The following TBC1D30 variants were observed in gnomAD, a reference collection of about 807,000 sequenced individuals.
TBC1D30 encodes the protein TBC1 domain family member 30.
Under a neutral mutation model 63.2 loss-of-function variants are expected in TBC1D30, and 31 were observed. The observed-to-expected ratio is 0.49, with a 90% CI of 0.37 to 0.66. The LOEUF (loss-of-function observed/expected upper bound fraction) is 0.66. Among genes scored for constraint, TBC1D30 ranks in the 30% least tolerant of loss-of-function variants. The pLI, the probability that TBC1D30 is intolerant of heterozygous loss-of-function variation, is 0.00. For missense variants in TBC1D30, 810 were observed against 953.6 expected, an observed-to-expected ratio of 0.85 and a Z score of 1.98; for synonymous variants, 307 against 361.5, an observed-to-expected ratio of 0.85 and a Z score of 1.71.
At position 64,832,051 on chromosome 12, in the gene TBC1D30, A is replaced by G. The variant is rs563250885; in HGVS notation, c.409-68A>G. ...TTTGACTCTGTTTATTGAGTCAAAA[A>G]AAAAAGGTATTGTTTTGGAAAGAAT... On this transcript the variant is annotated intron_variant, in intron 4 of 11. Transcript: ENST00000539867. The G allele has an allele frequency of 4.8e-5, 67 of 1,385,134 alleles. No individual in the cohort carries two copies. In the South Asian group the frequency reaches 6.4e-4, roughly 13 times the overall value. 85.8% of individuals were successfully genotyped at this position (1,385,134 alleles called of 1,614,324 possible). A position where few individuals can be genotyped will look rare whatever the true frequency, so the allele number is the denominator to read the frequency against.
chr12:64,873,545 G>A (rs1045975849), intron 11 of TBC1D30, among the ~76,000 whole-genome samples: 5 of 152,088 alleles, frequency 3.3e-5, no homozygotes, highest in Non-Finnish European at 5.9e-5. Flanking sequence ...TCAGTGAGCC[G>A]AAGACACATG....
chr12:64,774,957 A>G (rs1461599929), intron 1 of TBC1D30, among the ~76,000 whole-genome samples: 4 of 151,892 alleles, frequency 2.6e-5, no homozygotes, highest in East Asian at 1.9e-4. Flanking sequence ...GCTGGGTGTC[A>G]TGTTGCACAC....
At chr12:64,811,917 T>C (rs1207862701) in intron 2 of TBC1D30, among the ~76,000 whole-genome samples, 1 of 152,218 alleles carries the variant, frequency 6.6e-6, no homozygotes, top group Non-Finnish European at 1.5e-5. Context: ...AGATACAAAA[T>C]ACCTGATTAT....
chr12:64,813,909 C>G (rs987960523), intron 2 of TBC1D30, among the ~76,000 whole-genome samples: 1 of 152,004 alleles, frequency 6.6e-6, no homozygotes, highest in African/African-American at 2.4e-5. Context: ...GAGAGAGAGA[C>G]AACAATGAGT....
chr12:64,832,033 CTG>C (rs1874910748), intron 4 of TBC1D30, 84 bp from the exon 5 acceptor site: 8 of 1,275,010 alleles, frequency 6.3e-6, no homozygotes, highest in South Asian at 6.0e-5. Context: ...TGATTTGACT[CTG>C]TTTATTGAGT....
intron 6 of TBC1D30, 68 bp from the exon 7 acceptor site, chr12:64,838,614 GA>G: frequency 6.9e-7 from 1 of 1,452,818 alleles, no homozygotes; most frequent in Non-Finnish European, 9.2e-7. Flanking sequence ...TGGAAGACTA[GA>G]AAAGGGTATC....
intron 8 of TBC1D30, among the ~76,000 whole-genome samples, chr12:64,856,260 C>A (rs1238158813): frequency 6.6e-6 from 1 of 152,208 alleles, no homozygotes; most frequent in Non-Finnish European, 1.5e-5. Flanking sequence ...ATGGCTCAAG[C>A]CATTCATGAG....
chr12:64,830,601 G>A (rs1385764870), intron 4 of TBC1D30, 99 bp downstream of exon 4: 2 of 1,133,414 alleles, frequency 1.8e-6, no homozygotes, highest in African/African-American at 3.1e-5. Flanking sequence ...CTACCTTCTG[G>A]TTTGAATGTC....
rs541241663 is a variant in TBC1D30, at chr12:64,878,233, A to T, written c.*2445A>T. 177 of 316,032 alleles carry T rather than the reference A, an allele frequency of 5.6e-4. 1 individual carries two copies. Among genetic ancestry groups the T allele is most frequent in the South Asian group, 4.7e-3 (167 of 35,600 alleles). The allele number at this position is 316,032 out of a possible 1,614,324, so 19.6% of individuals were successfully genotyped here. ...TGCATGCATTGTACCAAGTAATCACAATGTGAATTGGTCAATTTATGAGCC... is the reference window on the plus strand; with the variant it reads ...TGCATGCATTGTACCAAGTAATCACTATGTGAATTGGTCAATTTATGAGCC... On this transcript the variant is annotated 3_prime_UTR_variant, in exon 12 of 12. Transcript: ENST00000539867.
At chr12:64,811,079 A>G (rs947571006) in intron 2 of TBC1D30, among the ~76,000 whole-genome samples, 1 of 152,214 alleles carries the variant, frequency 6.6e-6, no homozygotes, top group Non-Finnish European at 1.5e-5. Context: ...TTGTATACCA[A>G]ATTTTGTAAT....
chr12:64,775,742 A>T (rs994572027), upstream of TBC1D30, among the ~76,000 whole-genome samples: 1 of 152,212 alleles, frequency 6.6e-6, no homozygotes, highest in African/African-American at 2.4e-5. Flanking sequence ...ATTAACAAAG[A>T]TATTCAGGAC....
At chr12:64,792,358 C>T (rs916130037) in intron 2 of TBC1D30, among the ~76,000 whole-genome samples, 1 of 152,126 alleles carries the variant, frequency 6.6e-6, no homozygotes, top group African/African-American at 2.4e-5. Context: ...GGTTCCTAAG[C>T]AATATATGGT....
Position 64,875,626 on chromosome 12 carries a change from C to T in TBC1D30, c.2124C>T (p.Ile708=). The T allele has an allele frequency of 6.5e-7, 1 of 1,536,282 alleles. No homozygotes were observed. Among genetic ancestry groups the T allele is most frequent in the Non-Finnish European group, 8.7e-7 (1 of 1,146,946 alleles). ...APQGSNSKTP[I]FSPFPSVKPL... ...AAGGCAGCAACTCAAAAACCCCCAT[C>T]TTTAGCCCTTTTCCCAGCGTCAAGC... Residue 708 remains isoleucine, a synonymous_variant, in exon 12 of 12, where the codon ATC becomes ATT. Transcript: ENST00000539867.
At chr12:64,778,549 C>CTTT (rs34519163), upstream of TBC1D30, among the ~76,000 whole-genome samples, 996 of 78,822 alleles carry the variant, frequency 0.013, 78 homozygotes, top group East Asian at 0.027. Context: ...ACAGAGAAGC[C>CTTT]TTTTTTTTTT....
chr12:64,852,513 A>G (rs976982066), intron 8 of TBC1D30, among the ~76,000 whole-genome samples: 4 of 151,978 alleles, frequency 2.6e-5, no homozygotes, highest in African/African-American at 9.7e-5. Context: ...TTCTCTGTCT[A>G]GTTTTGTTCC....
intron 2 of TBC1D30, among the ~76,000 whole-genome samples, chr12:64,806,763 G>A (rs1872897320): frequency 6.6e-6 from 1 of 152,196 alleles, no homozygotes; most frequent in African/African-American, 2.4e-5. Context: ...TAGCCAAAAG[G>A]TGGAAGCAGT....
At chr12:64,825,163 A>T in intron 1 of TBC1D30, 130 bp downstream of exon 1, 1 of 1,326,268 alleles carries the variant, frequency 7.5e-7, no homozygotes, top group South Asian at 1.6e-5. Flanking sequence ...GGTGCGGGGC[A>T]CCGCGTTGGC....
At chr12:64,790,005 G>C (rs1404439894) in intron 2 of TBC1D30, among the ~76,000 whole-genome samples, 1 of 152,196 alleles carries the variant, frequency 6.6e-6, no homozygotes, top group Non-Finnish European at 1.5e-5. Flanking sequence ...GCGTCACACA[G>C]CTGGTAAGTA....
intron 8 of TBC1D30, among the ~76,000 whole-genome samples, chr12:64,863,993 G>A (rs896543199): frequency 6.6e-6 from 1 of 152,086 alleles, no homozygotes; most frequent in Non-Finnish European, 1.5e-5. Context: ...CTCTTTTATT[G>A]CTGATAGAAT....
Sources: gnomAD v4.1 joint callset for allele counts (sites outside exome capture counted in the v4.1 genomes callset) on GRCh38, gnomAD v4.1.1 for gene constraint, MANE v1.5 for transcripts, NCBI Gene and HGNC (gene_info 2026-07-23, HGNC 2026-07-21) for gene names.